Variants in RASA1 observed in about 807,000 individuals in gnomAD.
RASA1 encodes the protein ras GTPase-activating protein 1.
RASA1 carries 25 observed loss-of-function variants against 132.2 expected under a neutral mutation model. The observed-to-expected ratio is 0.19, with a 90% CI of 0.14 to 0.26. The LOEUF is 0.26. RASA1 is among the 10% of genes least tolerant of loss of function. The pLI is 1.00. For synonymous variants in RASA1, 477 were observed against 449.9 expected, an observed-to-expected ratio of 1.06 and a Z score of -0.76; for missense variants, 964 against 1,299.2, an observed-to-expected ratio of 0.74 and a Z score of 3.97.
intron 9 of RASA1, among the ~76,000 whole-genome samples, chr5:87,355,660 A>T (rs1561305332): frequency 6.6e-6 from 1 of 152,222 alleles, no homozygotes; most frequent in African/African-American, 2.4e-5. Context: ...TTAGTTAAGA[A>T]ATAATTTCAT....
At chr5:87,325,131 T>C (rs1757134976) in intron 1 of RASA1, among the ~76,000 whole-genome samples, 1 of 152,108 alleles carries the variant, frequency 6.6e-6, no homozygotes, top group Non-Finnish European at 1.5e-5. Context: ...AAACATGTCC[T>C]TCTTCACATG....
Position 87,378,378 on chromosome 5 carries a change from A to T in RASA1, c.2345-18A>T. The T allele has an allele frequency of 6.2e-7, 1 of 1,611,514 alleles. No individual in the cohort carries two copies. Among genetic ancestry groups the T allele is most frequent in the Non-Finnish European group, 8.5e-7 (1 of 1,177,820 alleles). ...TCAGTCCTTTACAAATAATCTTCTA[A>T]TGTAAATATTTGTGTAGATGAAGCC... On this transcript the variant is annotated intron_variant, in intron 17 of 24. Coordinates refer to ENST00000274376, the MANE Select transcript of RASA1 (RefSeq NM_002890.3).
rs187753556 is a variant in RASA1 at position 87,272,091 on chromosome 5, G to C, written c.539+3101G>C. Reference sequence around the variant, plus strand: ...TTGAACCAGGGAGGGGGCGGTTGCAGTGAGCCGAGATCTGCCGTTGCACTC... The same window carrying C: ...TTGAACCAGGGAGGGGGCGGTTGCACTGAGCCGAGATCTGCCGTTGCACTC... On this transcript the variant is annotated intron_variant, in intron 1 of 24. Transcript: ENST00000274376. Among the ~76,000 whole-genome samples, 172 of 151,684 alleles carry C rather than the reference G, an allele frequency of 1.1e-3. 1 individual carries two copies. Among genetic ancestry groups the C allele is most frequent in the Non-Finnish European group, 5.6e-4 (38 of 67,902 alleles).
chr5:87,335,687 A>G (rs1447492144), intron 4 of RASA1, among the ~76,000 whole-genome samples: 1 of 152,106 alleles, frequency 6.6e-6, no homozygotes, highest in Admixed American at 6.5e-5. Flanking sequence ...TGGCCTCCCA[A>G]AGTGCTGGGA....
intron 1 of RASA1, among the ~76,000 whole-genome samples, chr5:87,286,016 A>ATTG (rs1314578170): frequency 1.4e-5 from 2 of 144,310 alleles, no homozygotes; most frequent in Admixed American, 1.4e-4. Flanking sequence ...TATTATTATT[A>ATTG]TTTTGTGATG....
chr5:87,368,343 AC>A (rs1760679905), intron 11 of RASA1, among the ~76,000 whole-genome samples: 1 of 151,942 alleles, frequency 6.6e-6, no homozygotes, highest in Non-Finnish European at 1.5e-5. Context: ...AATTCTTGTT[AC>A]CTATTTTCTT....
chr5:87,376,623 T>A, intron 16 of RASA1, 58 bp downstream of exon 16: 1 of 1,554,634 alleles, frequency 6.4e-7, no homozygotes, highest in Non-Finnish European at 8.9e-7. Flanking sequence ...ATTTAACATT[T>A]AATAAAAGAT....
intron 7 of RASA1, among the ~76,000 whole-genome samples, chr5:87,348,998 T>G (rs1759062435): frequency 6.6e-6 from 1 of 151,970 alleles, no homozygotes; most frequent in East Asian, 1.9e-4. Flanking sequence ...GTATTAAAGC[T>G]GGTAAGATAC....
In RASA1 at chr5:87,268,400, C is replaced by T. The variant is rs1484439985; in HGVS notation, c.-52C>T. 6.7e-7 allele frequency: 1 copy of T among 1,481,712 alleles called. No individual in the cohort carries two copies. Among genetic ancestry groups the T allele is most frequent in the Non-Finnish European group, 9.0e-7 (1 of 1,112,970 alleles). The allele number at this position is 1,481,712 out of a possible 1,614,324, so 91.8% of individuals were successfully genotyped here. A position where few individuals can be genotyped will look rare whatever the true frequency, so the allele number is the denominator to read the frequency against. ...GCTGCTCGGAGCCCGGGCCTGGTGG[C>T]CCCTGGGGCTCCCGGGCGGGCAGGG... is the stretch of plus-strand genomic sequence containing the variant. On this transcript the variant is annotated 5_prime_UTR_variant, in exon 1 of 25. Transcript: ENST00000274376.
At chr5:87,315,231 A>G (rs1756234856) in intron 1 of RASA1, among the ~76,000 whole-genome samples, 1 of 152,220 alleles carries the variant, frequency 6.6e-6, no homozygotes, top group South Asian at 2.1e-4. Context: ...TTAAAAAACT[A>G]TTTCTTACAA....
At chr5:87,278,830 C>T (rs1580190860) in intron 1 of RASA1, among the ~76,000 whole-genome samples, 1 of 151,180 alleles carries the variant, frequency 6.6e-6, no homozygotes, top group Admixed American at 6.6e-5. Flanking sequence ...TTCTTCACCA[C>T]TAGAATCTCT....
At chr5:87,272,041 A>G (rs1753866109) in intron 1 of RASA1, among the ~76,000 whole-genome samples, 1 of 150,794 alleles carries the variant, frequency 6.6e-6, no homozygotes, top group Non-Finnish European at 1.5e-5. Context: ...AATCCCAGCT[A>G]CTCTGGAGGT....
At chr5:87,384,096 G>C (rs570334929) in intron 21 of RASA1, among the ~76,000 whole-genome samples, 2 of 152,152 alleles carry the variant, frequency 1.3e-5, no homozygotes, top group South Asian at 4.1e-4. Context: ...GCTTTTTCAA[G>C]TTGGGAAGAG....
intron 1 of RASA1, among the ~76,000 whole-genome samples, chr5:87,305,735 A>T (rs531758959): frequency 1.2e-4 from 18 of 152,246 alleles, no homozygotes; most frequent in Non-Finnish European, 2.2e-4. Context: ...CAAACTACAT[A>T]TCTGACAGAG....
intron 5 of RASA1, among the ~76,000 whole-genome samples, chr5:87,338,303 A>G (rs771221691): frequency 4.0e-5 from 6 of 151,634 alleles, no homozygotes; most frequent in Non-Finnish European, 8.8e-5. Flanking sequence ...GAAAGCTTGT[A>G]TGATTTTCTA....
intron 15 of RASA1, among the ~76,000 whole-genome samples, chr5:87,375,142 G>C (rs1257308641): frequency 6.6e-6 from 1 of 152,156 alleles, no homozygotes; most frequent in Admixed American, 6.5e-5. Context: ...AAGCAATTAA[G>C]ATTAAAATAT....
chr5:87,358,046 A>G (rs572260857), intron 9 of RASA1, among the ~76,000 whole-genome samples: 1 of 152,326 alleles, frequency 6.6e-6, no homozygotes, highest in Non-Finnish European at 1.5e-5. Context: ...GGTTTTAACT[A>G]TTAGTACAAA....
intron 1 of RASA1, among the ~76,000 whole-genome samples, chr5:87,310,500 A>G (rs937078265): frequency 6.6e-6 from 1 of 152,176 alleles, no homozygotes; most frequent in Admixed American, 6.5e-5. Context: ...AAAATTTACA[A>G]CTAATGGAGT....
chr5:87,367,274 A>G (rs1485273637), intron 11 of RASA1, among the ~76,000 whole-genome samples: 1 of 152,218 alleles, frequency 6.6e-6, no homozygotes, highest in African/African-American at 2.4e-5. Context: ...GGATGCAAAT[A>G]CCAGAGGACA....
Sources: allele counts gnomAD v4.1 joint callset (sites outside exome capture counted in the v4.1 genomes callset), GRCh38; gene constraint gnomAD v4.1.1; transcripts MANE v1.5; gene names NCBI Gene and HGNC (gene_info 2026-07-23, HGNC 2026-07-21).